SUMF1: variants seen among roughly 807,000 people sequenced by gnomAD.
SUMF1 encodes sulfatase modifying factor 1.
SUMF1 carries 48 observed loss-of-function variants against 47.6 expected under a neutral mutation model. That is an observed-to-expected ratio of 1.01 (90% CI 0.80 to 1.28). The LOEUF is 1.28. Among genes scored for constraint, SUMF1 ranks in the 50% most tolerant of loss-of-function variants. The probability of loss-of-function intolerance (pLI) is 0.00; values close to 1 mark genes in which losing one functional copy is unlikely to be tolerated. For missense variants in SUMF1, 571 were observed against 485.4 expected (o/e 1.18, Z -1.66); for synonymous variants, 230 against 192.1 (o/e 1.20, Z -1.63).
intron 8 of SUMF1, among the ~76,000 whole-genome samples, chr3:4,367,031 A>G (rs1049934085): frequency 7.2e-5 from 11 of 152,148 alleles, no homozygotes; most frequent in African/African-American, 2.4e-4. Flanking sequence ...GCAGAACAGC[A>G]GATTTTTGTG....
chr3:4,177,333 A>C (rs568683446), intron 8 of SUMF1, among the ~76,000 whole-genome samples: 1 of 152,192 alleles, frequency 6.6e-6, no homozygotes, highest in Admixed American at 6.5e-5. Context: ...AATCACAAAA[A>C]ACTGTCTCTC....
At chr3:4,414,876 T>G (rs913814788) in intron 6 of SUMF1, 1 of 152,218 alleles carries the variant, frequency 6.6e-6, no homozygotes, top group African/African-American at 2.4e-5. Context: ...TATGCATAAC[T>G]GTCCAAGAAA....
intron 8 of SUMF1, among the ~76,000 whole-genome samples, chr3:4,355,180 T>C (rs1341470652): frequency 6.6e-6 from 1 of 151,964 alleles, no homozygotes. Flanking sequence ...AAAAACTCCA[T>C]CTCTACAAAA....
intron 8 of SUMF1, among the ~76,000 whole-genome samples, chr3:4,245,735 G>A (rs1407738945): frequency 6.6e-6 from 1 of 152,172 alleles, no homozygotes; most frequent in Admixed American, 6.5e-5. Context: ...CATTATCAGA[G>A]CTTGAATGCC....
chr3:4,301,552 G>A (rs762419212), intron 8 of SUMF1, among the ~76,000 whole-genome samples: 1 of 152,196 alleles, frequency 6.6e-6, no homozygotes, highest in African/African-American at 2.4e-5. Context: ...AGAAATGAGA[G>A]AGCCTAGGAC....
rs191548908 is a variant in SUMF1, at chr3:4,202,905, A to T, written c.1015-134160T>A. Among the ~76,000 whole-genome samples, 657 of 151,548 alleles carry T rather than the reference A, an allele frequency of 4.3e-3. 7 individuals are homozygous for T. The highest frequency in any genetic ancestry group is 0.015 in the African/African-American group (625 of 41,354). On this transcript the variant is annotated intron_variant and NMD_transcript_variant, in intron 8 of 12. Coordinates refer to the SUMF1 transcript ENST00000448413. The stretch of plus-strand genomic sequence containing the variant: ...GTTTCCAAAGTTCCTCTTCCTATTG[A>T]TTTCTAGTTTTATTCCATTGTGGTC...
chr3:4,410,120 C>G (rs561723732), intron 7 of SUMF1, among the ~76,000 whole-genome samples: 2 of 152,174 alleles, frequency 1.3e-5, no homozygotes, highest in Non-Finnish European at 2.9e-5. Context: ...ATTCTCCCCC[C>G]CAATCTGTTC....
chr3:4,100,310 C>A (rs1443749345), intron 8 of SUMF1, among the ~76,000 whole-genome samples: 2 of 151,838 alleles, frequency 1.3e-5, no homozygotes, highest in Non-Finnish European at 2.9e-5. Flanking sequence ...CAATAATAAT[C>A]AAAATGGCAT....
intron 8 of SUMF1, among the ~76,000 whole-genome samples, chr3:4,116,710 C>T (rs1012400467): frequency 1.3e-5 from 2 of 152,090 alleles, no homozygotes; most frequent in Admixed American, 6.6e-5. Flanking sequence ...GTACTTTAAT[C>T]ACTTCTTATC....
chr3:4,048,844 A>C (rs372951077), intron 9 of SUMF1, among the ~76,000 whole-genome samples: 5 of 152,166 alleles, frequency 3.3e-5, no homozygotes, highest in East Asian at 1.9e-4. Flanking sequence ...TTACCAACCT[A>C]ATTTATTTCT....
intron 8 of SUMF1, among the ~76,000 whole-genome samples, chr3:4,308,146 A>G (rs887042189): frequency 3.9e-5 from 6 of 152,236 alleles, no homozygotes; most frequent in Non-Finnish European, 8.8e-5. Context: ...TCTAGTCTGG[A>G]TCAGCTCTTA....
At chr3:4,293,776 C>A (rs1697786562) in intron 8 of SUMF1, among the ~76,000 whole-genome samples, 1 of 152,274 alleles carries the variant, frequency 6.6e-6, no homozygotes, top group South Asian at 2.1e-4. Flanking sequence ...AAGAGCACAA[C>A]CCTTAGTAAA....
At chr3:4,338,582 G>A (rs1238668379) in intron 8 of SUMF1, among the ~76,000 whole-genome samples, 3 of 152,104 alleles carry the variant, frequency 2.0e-5, no homozygotes, top group Non-Finnish European at 4.4e-5. Flanking sequence ...CAATGTTTTC[G>A]AGCATCTACT....
chr3:4,237,984 T>C (rs1387055704), intron 8 of SUMF1, among the ~76,000 whole-genome samples: 1 of 151,384 alleles, frequency 6.6e-6, no homozygotes, highest in African/African-American at 2.4e-5. Context: ...CCTGTTTCCA[T>C]GTGTTCTCAT....
chr3:4,369,347 G>T (rs1286714392), intron 8 of SUMF1, among the ~76,000 whole-genome samples: 1 of 152,180 alleles, frequency 6.6e-6, no homozygotes, highest in Non-Finnish European at 1.5e-5. Context: ...TGATCTGCAT[G>T]CAATGGAAGC....
chr3:4,201,109 C>T (rs1347648284), intron 8 of SUMF1, among the ~76,000 whole-genome samples: 1 of 152,020 alleles, frequency 6.6e-6, no homozygotes, highest in Non-Finnish European at 1.5e-5. Context: ...TATCCATCAC[C>T]TCATGCATTT....
chr3:4,285,103 G>C (rs548040976), intron 8 of SUMF1, among the ~76,000 whole-genome samples: 9 of 152,098 alleles, frequency 5.9e-5, no homozygotes, highest in African/African-American at 2.2e-4. Flanking sequence ...CTAAGCCACC[G>C]AATAAGGCAG....
Position 4,453,216 on chromosome 3 carries a change from C to T in SUMF1, c.271-167G>A, listed in dbSNP as rs962014454. On this transcript the variant is annotated intron_variant, in intron 1 of 8. Coordinates refer to ENST00000272902, the MANE Select transcript of SUMF1 (RefSeq NM_182760.4). The stretch of plus-strand genomic sequence containing the variant: ...TCTATACCCCAAAGAAGGTGAATCA[C>T]GAGTCTCAAAAAGAAGTGAAAATTC... Among the ~76,000 whole-genome samples, 9 of 152,132 alleles carry T rather than the reference C, an allele frequency of 5.9e-5. 1 individual carries two copies. Among genetic ancestry groups the T allele is most frequent in the Admixed American group, 3.9e-4 (6 of 15,268 alleles).
chr3:4,465,495 A>C (rs923577839), intron 1 of SUMF1, among the ~76,000 whole-genome samples: 8 of 152,046 alleles, frequency 5.3e-5, no homozygotes, highest in African/African-American at 1.9e-4. Flanking sequence ...AAAAAAGAAA[A>C]GAAAAAAGAA....
Sources: gnomAD v4.1 joint callset for allele counts (sites outside exome capture counted in the v4.1 genomes callset) on GRCh38, gnomAD v4.1.1 for gene constraint, MANE v1.5 for transcripts, NCBI Gene and HGNC (gene_info 2026-07-23, HGNC 2026-07-21) for gene names.